LOXL2: variants seen among roughly 807,000 people sequenced by gnomAD.
The protein encoded by LOXL2 is lysyl oxidase homolog 2.
LOXL2 carries 70 observed loss-of-function variants against 93.0 expected under a neutral mutation model. The observed-to-expected ratio is 0.75, with a 90% CI of 0.62 to 0.92. The LOEUF (loss-of-function observed/expected upper bound fraction) is 0.92, where lower values mean the gene tolerates loss of function less well. Among genes scored for constraint, LOXL2 ranks in the 40% least tolerant of loss-of-function variants. The pLI, the probability that LOXL2 is intolerant of heterozygous loss-of-function variation, is 0.00. For missense variants in LOXL2, 973 were observed against 1,054.9 expected (o/e 0.92, Z 1.08); for synonymous variants, 438 against 413.2 (o/e 1.06, Z -0.73).
chr8:23,329,554 A>T (rs1803639789), intron 5 of LOXL2, among the ~76,000 whole-genome samples: 1 of 150,372 alleles, frequency 6.7e-6, no homozygotes, highest in African/African-American at 2.4e-5. Context: ...GTGTGTGTGT[A>T]AGCTCACCTG....
chr8:23,383,483 A>T (rs1411153752), intron 1 of LOXL2, among the ~76,000 whole-genome samples: 1 of 152,112 alleles, frequency 6.6e-6, no homozygotes, highest in Non-Finnish European at 1.5e-5. Context: ...GAGTGAATAA[A>T]TATAAATTTC....
At chr8:23,348,871 C>T (rs1019069178) in intron 3 of LOXL2, among the ~76,000 whole-genome samples, 3 of 136,028 alleles carry the variant, frequency 2.2e-5, no homozygotes, top group African/African-American at 9.9e-5. Context: ...AGCAAGACTC[C>T]GTCTCAAAAA....
At chr8:23,351,418 C>T (rs1804092125) in intron 3 of LOXL2, among the ~76,000 whole-genome samples, 2 of 152,196 alleles carry the variant, frequency 1.3e-5, no homozygotes, top group Admixed American at 6.5e-5. Context: ...GCAACTGTCC[C>T]ACAGGTTTCC....
At chr8:23,401,466 T>C (rs1363270234) in intron 1 of LOXL2, among the ~76,000 whole-genome samples, 1 of 152,184 alleles carries the variant, frequency 6.6e-6, no homozygotes, top group East Asian at 1.9e-4. Context: ...CACTGAAATA[T>C]GTAGCAATGA....
At chr8:23,345,414 C>A (rs970502873) in intron 3 of LOXL2, among the ~76,000 whole-genome samples, 1 of 152,154 alleles carries the variant, frequency 6.6e-6, no homozygotes, top group Non-Finnish European at 1.5e-5. Flanking sequence ...AGCCCAGCAC[C>A]CCATGTCGAG....
chr8:23,324,637 G>A (rs914446551), intron 6 of LOXL2, among the ~76,000 whole-genome samples: 1 of 152,094 alleles, frequency 6.6e-6, no homozygotes, highest in Non-Finnish European at 1.5e-5. Flanking sequence ...TGCCTTCCCC[G>A]TCTCCACCTT....
intron 1 of LOXL2, among the ~76,000 whole-genome samples, chr8:23,391,109 T>G (rs1259562626): frequency 6.6e-6 from 1 of 152,090 alleles, no homozygotes; most frequent in South Asian, 2.1e-4. Context: ...TTCAATTATC[T>G]CCCACTGGGT....
intron 3 of LOXL2, among the ~76,000 whole-genome samples, chr8:23,348,041 G>T (rs956884915): frequency 8.6e-5 from 13 of 151,870 alleles, no homozygotes; most frequent in Non-Finnish European, 1.9e-4. Flanking sequence ...AGAAAGAAAA[G>T]GTGGCACATA....
intron 1 of LOXL2, among the ~76,000 whole-genome samples, chr8:23,388,663 ACACACACT>A (rs1197547783): frequency 0.012 from 1,517 of 130,430 alleles, 20 homozygotes; most frequent in Middle Eastern, 0.021. Flanking sequence ...ACACACACAC[ACACACACT>A]AGAAATGTAC....
chr8:23,343,313 G>A (rs1002298229), intron 3 of LOXL2, among the ~76,000 whole-genome samples: 5 of 152,184 alleles, frequency 3.3e-5, no homozygotes, highest in Admixed American at 6.5e-5. Flanking sequence ...ACCCTCGCAC[G>A]CTGTAATGAG....
In LOXL2 at chr8:23,360,097, T is replaced by C. The variant is rs528534981; in HGVS notation, c.524A>G (p.Gln175Arg). The change falls in exon 3 of 14, where the codon CAG becomes CGG. Residue 175 changes from glutamine to arginine, a missense_variant. Physicochemically the swap from Gln to Arg is conservative, Grantham distance 43. Coordinates refer to ENST00000389131, the MANE Select transcript of LOXL2 (RefSeq NM_002318.3). ...GFKFDNSLIN[Q>R]IENLNIQVED... ...CAAGAGCACATGACTTGCCTCTATC[T>C]GGTTGATCAACGAATTGTCAAATTT... 6.2e-7 allele frequency: 1 copy of C among 1,603,092 alleles called. No individual in the cohort carries two copies. The highest frequency in any genetic ancestry group is 2.2e-5 in the East Asian group (1 of 44,588).
Position 23,367,986 on chromosome 8 carries a change from A to G in LOXL2, c.355+11T>C. ...GTGACAGCACTCAGATCCAAAGCAC[A>G]GAGCGTTTACCTTCTCCCTTGCCGT... is the stretch of plus-strand genomic sequence containing the variant. On this transcript the variant is annotated intron_variant, in intron 2 of 13. Coordinates refer to ENST00000389131, the MANE Select transcript of LOXL2 (RefSeq NM_002318.3). 6.2e-7 allele frequency: 1 copy of G among 1,604,552 alleles called. No individual in the cohort carries two copies. The highest frequency in any genetic ancestry group is 8.5e-7 in the Non-Finnish European group (1 of 1,174,300).
chr8:23,389,589 T>C (rs1804811425), intron 1 of LOXL2, among the ~76,000 whole-genome samples: 2 of 152,182 alleles, frequency 1.3e-5, no homozygotes, highest in Admixed American at 1.3e-4. Flanking sequence ...TTATTGCCAA[T>C]AGCAATAAAA....
intron 4 of LOXL2, among the ~76,000 whole-genome samples, chr8:23,338,806 C>A (rs1027329918): frequency 2.6e-5 from 4 of 152,224 alleles, no homozygotes; most frequent in African/African-American, 9.6e-5. Context: ...AGTCCTGCCA[C>A]AACCCTCAGA....
At chr8:23,352,350 T>C (rs1234851837) in intron 3 of LOXL2, among the ~76,000 whole-genome samples, 3 of 152,168 alleles carry the variant, frequency 2.0e-5, no homozygotes, top group South Asian at 4.1e-4. Flanking sequence ...CATCTGGGAA[T>C]GGGGCCTCTA....
At chr8:23,388,159 A>G (rs1224489070) in intron 1 of LOXL2, among the ~76,000 whole-genome samples, 3 of 152,318 alleles carry the variant, frequency 2.0e-5, no homozygotes, top group African/African-American at 7.2e-5. Flanking sequence ...GAGTGATACT[A>G]AGCTGCATAA....
chr8:23,387,085 T>C (rs1804776600), intron 1 of LOXL2, among the ~76,000 whole-genome samples: 1 of 152,204 alleles, frequency 6.6e-6, no homozygotes, highest in African/African-American at 2.4e-5. Flanking sequence ...GCCGAAGGAC[T>C]GAAGTCTCTG....
At chr8:23,311,863 C>T (rs1396956849) in intron 9 of LOXL2, among the ~76,000 whole-genome samples, 1 of 152,098 alleles carries the variant, frequency 6.6e-6, no homozygotes, top group African/African-American at 2.4e-5. Context: ...AGGAACCTGT[C>T]GGGTAGGTGG....
chr8:23,345,914 A>G (rs1484561596), intron 3 of LOXL2, among the ~76,000 whole-genome samples: 1 of 151,424 alleles, frequency 6.6e-6, no homozygotes, highest in African/African-American at 2.4e-5. Flanking sequence ...TAAAAATACA[A>G]AAAATTAGCC....
Sources: gnomAD v4.1 joint callset for allele counts (sites outside exome capture counted in the v4.1 genomes callset) on GRCh38, gnomAD v4.1.1 for gene constraint, MANE v1.5 for transcripts, NCBI Gene and HGNC (gene_info 2026-07-23, HGNC 2026-07-21) for gene names.